The following CFAP54 variants were observed in gnomAD, a reference collection of about 807,000 sequenced individuals.
CFAP54 encodes cilia and flagella associated protein 54, also known as cilia- and flagella-associated protein 54.
Under a neutral mutation model 370.4 loss-of-function variants are expected in CFAP54, and 290 were observed. That is an observed-to-expected ratio of 0.78 (90% CI 0.71 to 0.86). The LOEUF is 0.86. Ranked by LOEUF, CFAP54 falls within the 40% of genes least tolerant of loss-of-function variation. CFAP54 has a pLI of 0.00. For missense variants in CFAP54, 3,399 were observed against 3,528.7 expected (o/e 0.96, Z 0.93); for synonymous variants, 1,206 against 1,236.5 (o/e 0.98, Z 0.52).
chr12:96,612,053 A>T (rs1169515961), intron 26 of CFAP54, among the ~76,000 whole-genome samples: 1 of 152,160 alleles, frequency 6.6e-6, no homozygotes, highest in Admixed American at 6.5e-5. Flanking sequence ...CGCCACAAAG[A>T]TACTCCTCAA....
chr12:96,626,327 A>G (rs1221566776), intron 29 of CFAP54, among the ~76,000 whole-genome samples: 4 of 151,836 alleles, frequency 2.6e-5, no homozygotes, highest in Non-Finnish European at 5.9e-5. Flanking sequence ...CAGAGGTTGT[A>G]GTGAGCTGAG....
At chr12:96,606,794 G>A (rs552236064) in intron 26 of CFAP54, among the ~76,000 whole-genome samples, 1 of 152,310 alleles carries the variant, frequency 6.6e-6, no homozygotes, top group African/African-American at 2.4e-5. Flanking sequence ...GAGGCAGAGA[G>A]GTCAGCTTGT....
intron 52 of CFAP54, 68 bp downstream of exon 52, chr12:96,742,654 G>T: frequency 7.3e-7 from 1 of 1,365,420 alleles, no homozygotes; most frequent in Non-Finnish European, 1.0e-6. Context: ...GGGGTTTATT[G>T]GGATATATTT....
Position 96,624,783 on chromosome 12 carries a change from C to A in CFAP54, c.3886+902C>A, listed in dbSNP as rs533774612. On this transcript the variant is annotated intron_variant, in intron 28 of 67. Coordinates refer to ENST00000524981, the MANE Select transcript of CFAP54 (RefSeq NM_001306084.2). ...CCTCTGTTCTATCTTGTGGGCTTCA[C>A]TGACTTGGATCTCTCTCTTTTAATA... Among the ~76,000 whole-genome samples the A allele has an allele frequency of 2.6e-5, 4 of 152,258 alleles. No individual in the cohort carries two copies. The South Asian group carries it at 8.3e-4, about 32-fold the overall frequency.
intron 64 of CFAP54, among the ~76,000 whole-genome samples, chr12:96,816,289 A>C (rs950186037): frequency 5.3e-5 from 8 of 152,202 alleles, no homozygotes; most frequent in African/African-American, 1.9e-4. Context: ...ATCCCTTGAA[A>C]GTTGTGTTCC....
intron 63 of CFAP54, among the ~76,000 whole-genome samples, chr12:96,796,322 T>C (rs957620358): frequency 6.6e-6 from 1 of 152,228 alleles, no homozygotes; most frequent in African/African-American, 2.4e-5. Context: ...TTTTATACTA[T>C]TCTTGTCAGA....
At chr12:96,759,619 A>C (rs1381061016) in intron 58 of CFAP54, among the ~76,000 whole-genome samples, 3 of 152,226 alleles carry the variant, frequency 2.0e-5, no homozygotes, top group Non-Finnish European at 4.4e-5. Context: ...AAGACAACAC[A>C]TTATAAGCCC....
At chr12:96,755,105 C>T (rs537498770) in intron 56 of CFAP54, among the ~76,000 whole-genome samples, 3 of 152,204 alleles carry the variant, frequency 2.0e-5, no homozygotes, top group African/African-American at 4.8e-5. Context: ...TGAGGGCCAG[C>T]GCATTTGCAT....
chr12:96,576,876 T>G (rs1955984212), intron 20 of CFAP54, 115 bp downstream of exon 20: 2 of 819,722 alleles, frequency 2.4e-6, no homozygotes, highest in Non-Finnish European at 3.7e-6. Context: ...TCATAAGCAC[T>G]GAACACTGGA....
intron 66 of CFAP54, among the ~76,000 whole-genome samples, chr12:96,833,169 A>G (rs1959176010): frequency 6.6e-6 from 1 of 152,224 alleles, no homozygotes; most frequent in Non-Finnish European, 1.5e-5. Flanking sequence ...AATAACCATT[A>G]CATATGATTT....
In CFAP54 at chr12:96,527,273, C is replaced by T. The variant is rs114453757; in HGVS notation, c.1186C>T (p.Arg396Trp). ...ATCATGGCCACGAACTGTCACAGAGCGGCTACTGGATGAGATGTTTGATAG... is the reference window on the plus strand; with the variant it reads ...ATCATGGCCACGAACTGTCACAGAGTGGCTACTGGATGAGATGTTTGATAG... ...TLSWPRTVTERLLDEMFDSTA... is the reference protein window; with the variant it reads ...TLSWPRTVTEWLLDEMFDSTA... The change falls in exon 9 of 68, where the codon CGG becomes TGG. Residue 396 changes from arginine to tryptophan, a missense_variant. Physicochemically the swap from Arg to Trp is moderately radical, Grantham distance 101. Transcript: ENST00000524981. The T allele has an allele frequency of 2.9e-5, 45 of 1,526,770 alleles. No homozygotes were observed. The African/African-American group carries it at 4.4e-4, about 15-fold the overall frequency. The allele number at this position is 1,526,770 out of a possible 1,614,324, so 94.6% of individuals were successfully genotyped here.
chr12:96,597,888 G>C (rs542958279), intron 25 of CFAP54, among the ~76,000 whole-genome samples: 25 of 151,926 alleles, frequency 1.6e-4, no homozygotes, highest in African/African-American at 5.8e-4. Context: ...CATGATTTAG[G>C]GATATGATAT....
chr12:96,783,237 C>T (rs1565976719), intron 60 of CFAP54, among the ~76,000 whole-genome samples: 2 of 152,120 alleles, frequency 1.3e-5, no homozygotes, highest in Admixed American at 1.3e-4. Flanking sequence ...GGGACATGAG[C>T]TCAGGCAGCG....
In CFAP54 at chr12:96,589,578, TC is replaced by T. The variant is rs1332045841; in HGVS notation, c.3212+16del. 6.0e-6 allele frequency: 8 copies of T among 1,339,336 alleles called. No homozygotes were observed. In the East Asian group the frequency reaches 1.8e-4, roughly 29 times the overall value. 83.0% of individuals were successfully genotyped at this position (1,339,336 alleles called of 1,614,324 possible). A position where few individuals can be genotyped will look rare whatever the true frequency, so the allele number is the denominator to read the frequency against. Reference sequence around the variant, plus strand: ...ACACAAAGAAGGTAATTAGAAATATTCTTCTAAAATATTAATTTGCTTATTG... The same window carrying T: ...ACACAAAGAAGGTAATTAGAAATATTTTCTAAAATATTAATTTGCTTATTG... On this transcript the variant is annotated intron_variant, in intron 23 of 67. Transcript: ENST00000524981.
chr12:96,652,251 TTAAAG>T, intron 36 of CFAP54, among the ~76,000 whole-genome samples: 1 of 152,308 alleles, frequency 6.6e-6, no homozygotes, highest in East Asian at 1.9e-4. Flanking sequence ...ACACTGTGGT[TTAAAG>T]CATGGAAATA....
At chr12:96,612,101 C>T (rs1956364933) in intron 26 of CFAP54, among the ~76,000 whole-genome samples, 1 of 152,090 alleles carries the variant, frequency 6.6e-6, no homozygotes, top group African/African-American at 2.4e-5. Context: ...TCAGATTCAC[C>T]AAAGTTGAAA....
intron 16 of CFAP54, 39 bp from the exon 17 acceptor site, chr12:96,554,636 TA>T (rs1955732625): frequency 1.3e-6 from 2 of 1,484,338 alleles, no homozygotes; most frequent in East Asian, 5.0e-5. Context: ...TGTGTTTTGA[TA>T]ACTATATTTC....
intron 42 of CFAP54, among the ~76,000 whole-genome samples, 166 bp downstream of exon 42, chr12:96,685,404 G>T (rs1439116818): frequency 6.6e-6 from 1 of 152,114 alleles, no homozygotes; most frequent in Non-Finnish European, 1.5e-5. Context: ...GATGTTTATT[G>T]CTTATGATTA....
chr12:96,534,316 A>G, intron 11 of CFAP54, 89 bp downstream of exon 11: 1 of 751,362 alleles, frequency 1.3e-6, no homozygotes, highest in African/African-American at 1.8e-5. Context: ...TTGAAGGCGG[A>G]GGGAGCAAGA....
Sources: allele counts gnomAD v4.1 joint callset (sites outside exome capture counted in the v4.1 genomes callset), GRCh38; gene constraint gnomAD v4.1.1; transcripts MANE v1.5; gene names NCBI Gene and HGNC (gene_info 2026-07-23, HGNC 2026-07-21).